SYNJ1: variants seen among roughly 807,000 people sequenced by gnomAD.
SYNJ1 encodes the protein polyphosphatidylinositol phosphatase SYNJ1.
A neutral mutation model predicts 168.2 loss-of-function variants in SYNJ1; 78 were observed. That is an observed-to-expected ratio of 0.46 (90% CI 0.39 to 0.56). SYNJ1 has a LOEUF of 0.56. Among genes scored for constraint, SYNJ1 ranks in the 20% least tolerant of loss-of-function variants. SYNJ1 has a pLI of 0.00. For missense variants in SYNJ1, 1,303 were observed against 1,597.6 expected, an observed-to-expected ratio of 0.82 and a Z score of 3.14; for synonymous variants, 539 against 548.6, an observed-to-expected ratio of 0.98 and a Z score of 0.24.
At chr21:32,683,829 G>A (rs1208217097) in intron 10 of SYNJ1, among the ~76,000 whole-genome samples, 2 of 152,160 alleles carry the variant, frequency 1.3e-5, no homozygotes, top group African/African-American at 4.8e-5. Flanking sequence ...AGTAGATAGA[G>A]AGCTACCTAA....
Position 32,666,463 on chromosome 21 carries a change from AAAAC to A in SYNJ1, c.1918_1921del (p.Val640LeufsTer18), listed in dbSNP as rs1488690709. On this transcript the variant is annotated frameshift_variant, in exon 16 of 33. Transcript: ENST00000674351. LOFTEE classifies it high-confidence loss of function. The stretch of plus-strand genomic sequence containing the variant: ...AAAAGGAGCATGCTGTGGTCTGATA[AAAAC>A]AAACAAACAGACGCCCACCAACTGT... 6.2e-7 allele frequency: 1 copy of A among 1,614,132 alleles called. No homozygotes were observed.
intron 2 of SYNJ1, among the ~76,000 whole-genome samples, chr21:32,712,552 A>AT (rs1318863205): frequency 6.6e-6 from 1 of 152,200 alleles, no homozygotes. Flanking sequence ...ATTTAAGGAA[A>AT]AAAAAAAAAC....
intron 18 of SYNJ1, among the ~76,000 whole-genome samples, chr21:32,663,417 C>G (rs548605370): frequency 6.6e-6 from 1 of 152,140 alleles, no homozygotes; most frequent in Non-Finnish European, 1.5e-5. Flanking sequence ...AGTTGCAAAC[C>G]GTGTGGACCC....
At chr21:32,673,887 G>T (rs2041302500) in intron 13 of SYNJ1, among the ~76,000 whole-genome samples, 2 of 152,074 alleles carry the variant, frequency 1.3e-5, no homozygotes, top group African/African-American at 4.8e-5. Context: ...ACATTTTTAG[G>T]AATATAGCAA....
rs2040078953 is a variant in SYNJ1, at chr21:32,646,553, A to G, written c.3087T>C (p.His1029=). The change falls in exon 24 of 33, where the codon CAT becomes CAC. Residue 1029 remains histidine, a synonymous_variant. Coordinates refer to ENST00000674351, the MANE Select transcript of SYNJ1 (RefSeq NM_203446.3). ...GGCCGGAACTTGAAGATGGCTGGAG[A>G]TGCTGAGGAAGAAGTTCCTCCACTT... ...SAEVEELLPQ[H]LQPSSSSGLG... is the part of the protein sequence containing the mutation. The G allele has an allele frequency of 1.2e-6, 2 of 1,614,148 alleles. No individual in the cohort carries two copies. Among genetic ancestry groups the G allele is most frequent in the Non-Finnish European group, 1.7e-6 (2 of 1,180,030 alleles).
chr21:32,700,251 T>C (rs1241182562), intron 3 of SYNJ1, 146 bp from the exon 4 acceptor site: 2 of 905,836 alleles, frequency 2.2e-6, no homozygotes, highest in Admixed American at 3.0e-5. Context: ...GACATTTTAG[T>C]TGAAAAAAAT....
intron 6 of SYNJ1, among the ~76,000 whole-genome samples, chr21:32,693,574 C>T (rs1009039868): frequency 9.2e-5 from 14 of 152,062 alleles, no homozygotes; most frequent in African/African-American, 3.4e-4. Flanking sequence ...ACTTACTAGA[C>T]TATACATACC....
chr21:32,727,932 G>GCC lies in SYNJ1; in HGVS notation c.-23+12_-23+13dup, dbSNP rs2043549805. 3 of 1,531,926 alleles carry GCC rather than the reference G, an allele frequency of 2.0e-6. No individual in the cohort carries two copies. The South Asian group carries it at 3.6e-5, about 18-fold the overall frequency. The allele number at this position is 1,531,926 out of a possible 1,614,324, so 94.9% of individuals were successfully genotyped here. On this transcript the variant is annotated intron_variant, in intron 1 of 32. Coordinates refer to ENST00000674351, the MANE Select transcript of SYNJ1 (RefSeq NM_203446.3). Reference sequence around the variant, plus strand: ...TGGCCGCAGCAGCTCCCCGCCCCCCGCCGGCTTGCTCACCTCTTCCTCCGG... The same window carrying GCC: ...TGGCCGCAGCAGCTCCCCGCCCCCCGCCCCGGCTTGCTCACCTCTTCCTCCGG...
intron 10 of SYNJ1, among the ~76,000 whole-genome samples, chr21:32,683,600 G>T (rs1361361273): frequency 6.6e-6 from 1 of 151,914 alleles, no homozygotes; most frequent in Non-Finnish European, 1.5e-5. Context: ...ACTGGATTGG[G>T]TTACAAATTG....
intron 2 of SYNJ1, among the ~76,000 whole-genome samples, chr21:32,712,953 TA>T: frequency 6.6e-6 from 1 of 152,338 alleles, no homozygotes; most frequent in East Asian, 1.9e-4. Context: ...AATGTGTACA[TA>T]TATGTACCAA....
At chr21:32,663,579 C>T (rs2041676598) in intron 18 of SYNJ1, among the ~76,000 whole-genome samples, 1 of 152,122 alleles carries the variant, frequency 6.6e-6, no homozygotes, top group African/African-American at 2.4e-5. Context: ...TAAAGACAGG[C>T]AAACTCCTGG....
At chr21:32,670,170 T>C in intron 15 of SYNJ1, 118 bp downstream of exon 15, 2 of 753,164 alleles carry the variant, frequency 2.7e-6, no homozygotes, top group Non-Finnish European at 4.2e-6. Flanking sequence ...TTTACAGTTT[T>C]ACGAGCACCC....
chr21:32,647,173 G>A (rs2145788223), intron 23 of SYNJ1, among the ~76,000 whole-genome samples: 1 of 152,294 alleles, frequency 6.6e-6, no homozygotes. Context: ...CAACCTAACT[G>A]CCATTCCAGA....
intron 2 of SYNJ1, among the ~76,000 whole-genome samples, chr21:32,714,148 A>AT (rs1161267611): frequency 2.0e-5 from 3 of 152,254 alleles, no homozygotes; most frequent in Non-Finnish European, 4.4e-5. Flanking sequence ...ACGGAACAGC[A>AT]TATGTAAAGA....
At chr21:32,642,385 TCA>T in intron 27 of SYNJ1, among the ~76,000 whole-genome samples, 1 of 151,568 alleles carries the variant, frequency 6.6e-6, no homozygotes, top group East Asian at 2.0e-4. Context: ...GTTTGATATC[TCA>T]CTCATGGGAC....
intron 31 of SYNJ1, among the ~76,000 whole-genome samples, chr21:32,638,358 T>G (rs2145714160): frequency 6.6e-6 from 1 of 152,318 alleles, no homozygotes; most frequent in East Asian, 1.9e-4. Context: ...TCACAGTTTT[T>G]TCAAAAGAGT....
At chr21:32,714,973 C>A (rs896133198) in intron 2 of SYNJ1, among the ~76,000 whole-genome samples, 14 of 152,164 alleles carry the variant, frequency 9.2e-5, no homozygotes, top group African/African-American at 3.4e-4. Context: ...TTCAACCCAG[C>A]TCTCATCAAT....
intron 4 of SYNJ1, among the ~76,000 whole-genome samples, chr21:32,695,626 T>A (rs988770246): frequency 2.7e-5 from 4 of 149,960 alleles, no homozygotes; most frequent in African/African-American, 4.9e-5. Context: ...CTCTACTTTT[T>A]AAAAAAATAT....
chr21:32,636,809 AGT>A (rs1307063480), intron 31 of SYNJ1, among the ~76,000 whole-genome samples: 2 of 151,934 alleles, frequency 1.3e-5, no homozygotes, highest in Non-Finnish European at 2.9e-5. Flanking sequence ...AAGAAAGAAA[AGT>A]GTGTCTGTGT....
Sources: allele counts gnomAD v4.1 joint callset (sites outside exome capture counted in the v4.1 genomes callset), GRCh38; gene constraint gnomAD v4.1.1; transcripts MANE v1.5; gene names NCBI Gene and HGNC (gene_info 2026-07-23, HGNC 2026-07-21).